DCLK1: variants seen among roughly 807,000 people sequenced by gnomAD.
DCLK1 encodes serine/threonine-protein kinase DCLK1.
A neutral mutation model predicts 86.2 loss-of-function variants in DCLK1; 16 were observed. The observed-to-expected ratio is 0.19, with a 90% CI of 0.13 to 0.28. DCLK1 has a LOEUF of 0.28. Among genes scored for constraint, DCLK1 ranks in the 10% least tolerant of loss-of-function variants. The pLI is 1.00. For missense variants in DCLK1, 590 were observed against 940.2 expected, an observed-to-expected ratio of 0.63 and a Z score of 4.87; for synonymous variants, 369 against 370.5, an observed-to-expected ratio of 1.00 and a Z score of 0.05.
In DCLK1 at chr13:35,774,421, C is replaced by A; in HGVS notation, c.*114G>T. 8.1e-7 allele frequency: 1 copy of A among 1,241,864 alleles called. No individual in the cohort carries two copies. Among genetic ancestry groups the A allele is most frequent in the South Asian group, 1.6e-5 (1 of 63,984 alleles). The allele number at this position is 1,241,864 out of a possible 1,614,324, so 76.9% of individuals were successfully genotyped here. ...TACCTGAAAACACTTTCAGTTCTGC[C>A]ATTCAAGCATTGAGCGCTAGATAGA... On this transcript the variant is annotated 3_prime_UTR_variant, in exon 17 of 17. Coordinates refer to ENST00000360631, the MANE Select transcript of DCLK1 (RefSeq NM_001330071.2).
intron 8 of DCLK1, among the ~76,000 whole-genome samples, chr13:35,834,948 G>A (rs758915552): frequency 3.3e-5 from 5 of 152,176 alleles, no homozygotes; most frequent in Non-Finnish European, 5.9e-5. Flanking sequence ...CCAAAGAGCC[G>A]CAAGGGGTGC....
At chr13:35,953,572 C>G (rs551997416) in intron 3 of DCLK1, among the ~76,000 whole-genome samples, 2 of 152,146 alleles carry the variant, frequency 1.3e-5, no homozygotes, top group African/African-American at 4.8e-5. Context: ...TACGCACAGT[C>G]GTCCCAAGAG....
chr13:36,032,594 G>A (rs1325436955), intron 3 of DCLK1, among the ~76,000 whole-genome samples: 1 of 152,140 alleles, frequency 6.6e-6, no homozygotes, highest in Non-Finnish European at 1.5e-5. Context: ...AGTTTTAAAG[G>A]ATATAGGTCA....
chr13:35,855,815 C>T (rs1023619631), intron 5 of DCLK1: 10 of 1,247,660 alleles, frequency 8.0e-6, no homozygotes, highest in East Asian at 2.9e-5. Context: ...CACTCCCTTC[C>T]GGAAGCCCCA....
chr13:35,842,353 T>C (rs1869871507), intron 6 of DCLK1, among the ~76,000 whole-genome samples: 1 of 149,304 alleles, frequency 6.7e-6, no homozygotes, highest in African/African-American at 2.4e-5. Flanking sequence ...ACAGGTCTAA[T>C]CCACTTTTCA....
chr13:35,948,404 A>T (rs771618063), intron 3 of DCLK1, among the ~76,000 whole-genome samples: 76 of 152,296 alleles, frequency 5.0e-4, no homozygotes, highest in Middle Eastern at 3.4e-3. Flanking sequence ...TGGATATTTG[A>T]GGACCAGAGA....
At chr13:35,914,201 C>G (rs1211897014) in intron 4 of DCLK1, among the ~76,000 whole-genome samples, 1 of 151,348 alleles carries the variant, frequency 6.6e-6, no homozygotes, top group Non-Finnish European at 1.5e-5. Context: ...TGCCTATAGT[C>G]CCAGCTACTC....
chr13:35,858,713 T>C (rs1871222466), intron 5 of DCLK1, among the ~76,000 whole-genome samples: 1 of 152,236 alleles, frequency 6.6e-6, no homozygotes. Flanking sequence ...CAATTACTTT[T>C]GCACCAACCT....
intron 3 of DCLK1, among the ~76,000 whole-genome samples, chr13:35,965,921 G>A (rs910152386): frequency 6.6e-6 from 1 of 152,198 alleles, no homozygotes; most frequent in South Asian, 2.1e-4. Flanking sequence ...GAGGGCCACA[G>A]GGAGAGTTCC....
chr13:35,872,510 T>C (rs1450168635), intron 4 of DCLK1, among the ~76,000 whole-genome samples: 1 of 152,238 alleles, frequency 6.6e-6, no homozygotes, highest in Non-Finnish European at 1.5e-5. Context: ...TTCACTGTTA[T>C]AAATAATTAC....
chr13:35,850,401 T>G (rs961139877), intron 6 of DCLK1: 2 of 1,032,738 alleles, frequency 1.9e-6, no homozygotes, highest in African/African-American at 3.4e-5. Flanking sequence ...TATTGCCACA[T>G]GGTTAGTGTG....
chr13:35,994,237 T>G (rs554872659), intron 3 of DCLK1, among the ~76,000 whole-genome samples: 1 of 152,294 alleles, frequency 6.6e-6, no homozygotes. Context: ...CTTCTAGAAC[T>G]TTCCCTGTAG....
chr13:35,906,320 T>C (rs1201767802), intron 4 of DCLK1, among the ~76,000 whole-genome samples: 5 of 152,070 alleles, frequency 3.3e-5, no homozygotes, highest in Non-Finnish European at 7.4e-5. Context: ...TTTCTTTTTT[T>C]TTTTTTTTAA....
chr13:36,039,342 C>T (rs577878276), intron 3 of DCLK1, among the ~76,000 whole-genome samples: 2 of 152,304 alleles, frequency 1.3e-5, no homozygotes, highest in South Asian at 4.1e-4. Flanking sequence ...GGTAGGATTT[C>T]TTCTGCCATT....
intron 8 of DCLK1, among the ~76,000 whole-genome samples, chr13:35,835,027 C>A (rs1456722914): frequency 2.0e-5 from 3 of 152,176 alleles, no homozygotes; most frequent in Non-Finnish European, 4.4e-5. Flanking sequence ...GTAGAGACTA[C>A]CAGCTCTGAT....
rs936805324 is a variant in DCLK1 at position 35,941,793 on chromosome 13, C to A, written c.823+5565G>T. 2.0e-5 allele frequency among the ~76,000 whole-genome samples: 3 copies of A among 152,092 alleles called. No homozygotes were observed. In the East Asian group the frequency reaches 5.8e-4, roughly 29 times the overall value. On this transcript the variant is annotated intron_variant, in intron 4 of 16. Coordinates refer to ENST00000360631, the MANE Select transcript of DCLK1 (RefSeq NM_001330071.2). ...TAAATTTTAATGTTTTGTTTCAGTT[C>A]ATATTTACCATCTTCAATCAGAGGG...
At chr13:36,061,276 G>A (rs150678944) in intron 3 of DCLK1, among the ~76,000 whole-genome samples, 133 of 152,216 alleles carry the variant, frequency 8.7e-4, no homozygotes, top group African/African-American at 3.0e-3. Context: ...GGCCAATTTC[G>A]AGTTACAGCC....
chr13:35,788,334 G>T, intron 16 of DCLK1: 2 of 1,551,882 alleles, frequency 1.3e-6, no homozygotes, highest in Non-Finnish European at 1.8e-6. Context: ...TTGTGCTAAA[G>T]AATTAAGACT....
intron 6 of DCLK1, chr13:35,849,685 G>A (rs1281175084): frequency 2.0e-6 from 2 of 984,306 alleles, no homozygotes; most frequent in African/African-American, 1.7e-5. Flanking sequence ...GACTTAATTG[G>A]TTTAACACAA....
Sources: gnomAD v4.1 joint callset for allele counts (sites outside exome capture counted in the v4.1 genomes callset) on GRCh38, gnomAD v4.1.1 for gene constraint, MANE v1.5 for transcripts, NCBI Gene and HGNC (gene_info 2026-07-23, HGNC 2026-07-21) for gene names.